Variants in GSTM4 observed in about 807,000 individuals in gnomAD.
GSTM4 encodes GST class-mu 4.
Under a neutral mutation model 30.1 loss-of-function variants are expected in GSTM4, and 27 were observed. The observed-to-expected ratio is 0.90, with a 90% CI of 0.66 to 1.24. The LOEUF (loss-of-function observed/expected upper bound fraction) is 1.24, where lower values mean the gene tolerates loss of function less well. GSTM4 is among the 50% of genes most tolerant of loss of function. The pLI, the probability that GSTM4 is intolerant of heterozygous loss-of-function variation, is 0.00. For synonymous variants in GSTM4, 94 were observed against 96.2 expected, an observed-to-expected ratio of 0.98 and a Z score of 0.13; for missense variants, 238 against 272.1, an observed-to-expected ratio of 0.87 and a Z score of 0.88.
downstream of GSTM4, among the ~76,000 whole-genome samples, chr1:109,667,185 A>AT (rs1647356651): frequency 8.1e-6 from 1 of 123,128 alleles, no homozygotes; most frequent in Non-Finnish European, 2.0e-5. Flanking sequence ...TACTAATATT[A>AT]AAATAATAAT....
downstream of GSTM4, among the ~76,000 whole-genome samples, chr1:109,663,442 T>A (rs769670423): frequency 7.2e-5 from 11 of 151,974 alleles, no homozygotes; most frequent in Non-Finnish European, 1.5e-4. Flanking sequence ...CCGAGGCGTG[T>A]GGATCATGAG....
chr1:109,656,186 C>A lies in GSTM4; in HGVS notation c.-204C>A. On this transcript the variant is annotated 5_prime_UTR_variant, in exon 1 of 8. Coordinates refer to ENST00000369836, the MANE Select transcript of GSTM4 (RefSeq NM_000850.5). The stretch of plus-strand genomic sequence containing the variant: ...GCCAGTGAGGATCCAGCAACCTGCT[C>A]CGTGCCTCCCGCGCCTGTTGGTTGG... The A allele has an allele frequency of 1.6e-6, 1 of 611,466 alleles. No individual in the cohort carries two copies. 37.9% of individuals were successfully genotyped at this position (611,466 alleles called of 1,614,324 possible). A position where few individuals can be genotyped will look rare whatever the true frequency, so the allele number is the denominator to read the frequency against.
downstream of GSTM4, among the ~76,000 whole-genome samples, chr1:109,666,416 A>G (rs72987094): frequency 0.059 from 8,951 of 152,206 alleles, 829 homozygotes; most frequent in African/African-American, 0.2. Flanking sequence ...CTCTGGAATA[A>G]TGTGCTCAGA....
At chr1:109,659,149 T>A in intron 7 of GSTM4, 39 bp downstream of exon 7, 1 of 1,614,254 alleles carries the variant, frequency 6.2e-7, no homozygotes, top group Non-Finnish European at 8.5e-7. Context: ...ATGCCCCTTG[T>A]TCCGTTACCT....
downstream of GSTM4, among the ~76,000 whole-genome samples, chr1:109,664,341 C>CTTTTTGTTTTTTTTTTT: frequency 2.8e-5 from 1 of 35,756 alleles, no homozygotes; most frequent in South Asian, 1.7e-3. Context: ...GAGAGAATAG[C>CTTTTTGTTTTTTTTTTT]TTTTTTTTTT....
chr1:109,661,600 G>A lies in GSTM4; in HGVS notation c.*346G>A, dbSNP rs1392270872. On this transcript the variant is annotated 3_prime_UTR_variant, in exon 8 of 8. Coordinates refer to ENST00000369836, the MANE Select transcript of GSTM4 (RefSeq NM_000850.5). ...CGCCTGTGGAGCTCAGCCCTGAGCT[G>A]TCCCCGTGTTGCATGACAGCATTGA... 3.2e-6 allele frequency: 4 copies of A among 1,233,242 alleles called. No homozygotes were observed. The South Asian group carries it at 5.8e-5, about 18-fold the overall frequency. The allele number at this position is 1,233,242 out of a possible 1,614,324, so 76.4% of individuals were successfully genotyped here.
downstream of GSTM4, among the ~76,000 whole-genome samples, chr1:109,662,740 G>GAC (rs1431727690): frequency 6.6e-6 from 1 of 152,202 alleles, no homozygotes; most frequent in Non-Finnish European, 1.5e-5. Flanking sequence ...TGAAAGGACT[G>GAC]ACAATTGCTG....
chr1:109,659,228 A>T lies in GSTM4; in HGVS notation c.567+118A>T, dbSNP rs747249477. 1.1e-5 allele frequency: 18 copies of T among 1,613,580 alleles called. No individual in the cohort carries two copies. The South Asian group carries it at 1.9e-4, about 17-fold the overall frequency. ...CTTGCATTTATTGAGTGCTGGCTTC[A>T]TGCCAGGAACCTTGCCCAGCACATT... On this transcript the variant is annotated intron_variant, in intron 7 of 7. Coordinates refer to ENST00000369836, the MANE Select transcript of GSTM4 (RefSeq NM_000850.5).
chr1:109,656,868 C>T, intron 2 of GSTM4, 81 bp downstream of exon 2: 4 of 1,312,944 alleles, frequency 3.0e-6, no homozygotes, highest in Non-Finnish European at 4.4e-6. Context: ...CCTGTGGCTA[C>T]CTCTGCAGGC....
chr1:109,664,910 T>C (rs1647255980), downstream of GSTM4: 1 of 1,265,634 alleles, frequency 7.9e-7, no homozygotes, highest in Non-Finnish European at 1.2e-6. Flanking sequence ...TCTCTACCTG[T>C]GGCTTAGTCA....
chr1:109,667,368 T>C (rs554007440), downstream of GSTM4, among the ~76,000 whole-genome samples: 179 of 152,004 alleles, frequency 1.2e-3, no homozygotes, highest in African/African-American at 3.9e-3. Context: ...AACGAATGAA[T>C]ACAAAGACCT....
In GSTM4 at chr1:109,657,291, G is replaced by T; in HGVS notation, c.177+12G>T. On this transcript the variant is annotated intron_variant, in intron 3 of 7. Coordinates refer to ENST00000369836, the MANE Select transcript of GSTM4 (RefSeq NM_000850.5). ...TGGACTTTCCCAATGTAGGTGCAGG[G>T]GAAGGGGCGGTTTTGGGGGAAAGTG... 1 of 1,612,076 alleles carries T rather than the reference G, an allele frequency of 6.2e-7. No individual in the cohort carries two copies. The highest frequency in any genetic ancestry group is 8.5e-7 in the Non-Finnish European group (1 of 1,179,692).
At chr1:109,656,869 C>A (rs760350738) in intron 2 of GSTM4, 82 bp downstream of exon 2, 2 of 1,314,396 alleles carry the variant, frequency 1.5e-6, no homozygotes, top group South Asian at 1.2e-5. Flanking sequence ...CTGTGGCTAC[C>A]TCTGCAGGCC....
Position 109,657,292 on chromosome 1 carries a change from G to A in GSTM4, c.177+13G>A. Reference sequence around the variant, plus strand: ...GGACTTTCCCAATGTAGGTGCAGGGGAAGGGGCGGTTTTGGGGGAAAGTGC... The same window carrying A: ...GGACTTTCCCAATGTAGGTGCAGGGAAAGGGGCGGTTTTGGGGGAAAGTGC... On this transcript the variant is annotated intron_variant, in intron 3 of 7. Transcript: ENST00000369836. 1 of 1,612,062 alleles carries A rather than the reference G, an allele frequency of 6.2e-7. No individual in the cohort carries two copies.
rs1419399976 is a variant in GSTM4 at position 109,656,266 on chromosome 1, G to A, written c.-124G>A. 23 of 917,410 alleles carry A rather than the reference G, an allele frequency of 2.5e-5. No homozygotes were observed. Among genetic ancestry groups the A allele is most frequent in the Non-Finnish European group, 4.1e-5 (23 of 562,036 alleles). 56.8% of individuals were successfully genotyped at this position (917,410 alleles called of 1,614,324 possible). On this transcript the variant is annotated 5_prime_UTR_variant, in exon 1 of 8. Transcript: ENST00000369836. ...GAAGTGACGACCTTGAAGATCGGCGGGCGCAGCGGGGCCGAGGGGGCGGGT... is the reference window on the plus strand; with the variant it reads ...GAAGTGACGACCTTGAAGATCGGCGAGCGCAGCGGGGCCGAGGGGGCGGGT...
intron 1 of GSTM4, 92 bp from the exon 2 acceptor site, chr1:109,656,620 G>A: frequency 8.8e-7 from 1 of 1,130,726 alleles, no homozygotes; most frequent in South Asian, 1.2e-5. Context: ...GGGGTGCAGT[G>A]CAGTGTAGAC....
At chr1:109,660,048 C>G (rs758827158) in intron 7 of GSTM4, 51 of 195,266 alleles carry the variant, frequency 2.6e-4, no homozygotes, top group Middle Eastern at 1.9e-3. Flanking sequence ...TGTTTGAGAG[C>G]AGCAAATCCT....
chr1:109,663,084 T>C (rs1652366625), downstream of GSTM4, among the ~76,000 whole-genome samples: 1 of 152,140 alleles, frequency 6.6e-6, no homozygotes. Flanking sequence ...TGCAAAAACA[T>C]GGATGGGTCT....
chr1:109,665,355 T>G (rs529122718), downstream of GSTM4: 1 of 395,644 alleles, frequency 2.5e-6, no homozygotes, highest in African/African-American at 2.0e-5. Context: ...TCTGAGGCCT[T>G]TAGCCTCTGA....
Sources: gnomAD v4.1 joint callset for allele counts (sites outside exome capture counted in the v4.1 genomes callset) on GRCh38, gnomAD v4.1.1 for gene constraint, MANE v1.5 for transcripts, NCBI Gene and HGNC (gene_info 2026-07-23, HGNC 2026-07-21) for gene names.